Variants in ZNF658 observed in about 807,000 individuals in gnomAD.
ZNF658 encodes zinc finger protein 658.
A neutral mutation model predicts 78.0 loss-of-function variants in ZNF658; 46 were observed. That is an observed-to-expected ratio of 0.59 (90% CI 0.47 to 0.75). The LOEUF is 0.75. Among genes scored for constraint, ZNF658 ranks in the 30% least tolerant of loss-of-function variants. ZNF658 has a pLI of 0.00. For synonymous variants in ZNF658, 279 were observed against 408.4 expected, an observed-to-expected ratio of 0.68 and a Z score of 3.82; for missense variants, 785 against 1,189.3, an observed-to-expected ratio of 0.66 and a Z score of 5.00.
chr9:66,928,583 T>C (rs900314104), intron 6 of ZNF658, among the ~76,000 whole-genome samples: 1 of 151,146 alleles, frequency 6.6e-6, no homozygotes. Flanking sequence ...CCATACACGG[T>C]GGCTCATACC....
chr9:66,930,787 C>T (rs1822635301), intron 6 of ZNF658, among the ~76,000 whole-genome samples: 2 of 151,152 alleles, frequency 1.3e-5, no homozygotes, highest in Non-Finnish European at 2.9e-5. Context: ...CTGTAACCTG[C>T]ATCCTTTGCC....
intron 6 of ZNF658, among the ~76,000 whole-genome samples, chr9:66,928,681 T>A: frequency 7.1e-6 from 1 of 140,612 alleles, no homozygotes. Context: ...TGAAACCCCA[T>A]CTCTACTAAA....
intron 6 of ZNF658, among the ~76,000 whole-genome samples, chr9:66,928,395 CA>C (rs1256906362): frequency 1.3e-5 from 2 of 151,426 alleles, no homozygotes; most frequent in East Asian, 1.9e-4. Context: ...GGAATCTACA[CA>C]AAAACTATCA....
At chr9:66,908,864 T>A in intron 4 of ZNF658, 130 bp downstream of exon 4, 1 of 626,618 alleles carries the variant, frequency 1.6e-6, no homozygotes, top group South Asian at 2.0e-5. Context: ...TCCTTTAAAG[T>A]GTACAGGTCA....
In ZNF658 at chr9:66,920,364, C is replaced by G; in HGVS notation, c.2798C>G (p.Thr933Arg). 1 of 1,613,346 alleles carries G rather than the reference C, an allele frequency of 6.2e-7. No homozygotes were observed. Among genetic ancestry groups the G allele is most frequent in the Non-Finnish European group, 8.5e-7 (1 of 1,179,910 alleles). ...SYVSAHQRVHTGEKPYECNVC... is the reference protein window; with the variant it reads ...SYVSAHQRVHRGEKPYECNVC... ...GTTAGTGCACATCAGAGAGTTCATA[C>G]GGGGGAGAAACCCTACGAATGTAAT... The change falls in exon 5 of 5, where the codon ACG (threonine) becomes AGG (arginine). Residue 933 changes from threonine to arginine, a missense_variant. By Grantham distance (71) the Thr-to-Arg change is moderately conservative. This residue lies in a region of ZNF658 where 85 missense variants were observed against 108.6 expected (regional missense o/e 0.78). Transcript: ENST00000621410.
rs1822512367 is a variant in ZNF658, at chr9:66,920,953, A to AT, written c.*207_*208insT. The stretch of plus-strand genomic sequence containing the variant: ...TACCCTTGGCCCTTAAAAAAAAAAA[A>AT]GAAAAACCCTCACAGTCTTCCTGGT... On this transcript the variant is annotated 3_prime_UTR_variant, in exon 5 of 5. Coordinates refer to ENST00000621410, the MANE Select transcript of ZNF658 (RefSeq NM_033160.7). 1 of 641,800 alleles carries AT rather than the reference A, an allele frequency of 1.6e-6. No homozygotes were observed. The highest frequency in any genetic ancestry group is 2.7e-6 in the Non-Finnish European group (1 of 364,740). 39.8% of individuals were successfully genotyped at this position (641,800 alleles called of 1,614,324 possible).
chr9:66,917,294 C>T (rs1275316960), intron 4 of ZNF658, among the ~76,000 whole-genome samples: 1 of 146,208 alleles, frequency 6.8e-6, no homozygotes, highest in Admixed American at 7.1e-5. Context: ...GTTACTACTC[C>T]ACCTTGACTG....
chr9:66,914,236 C>T (rs1012467795), intron 4 of ZNF658, among the ~76,000 whole-genome samples: 39 of 149,958 alleles, frequency 2.6e-4, no homozygotes, highest in Admixed American at 4.7e-4. Context: ...ACACAGATAA[C>T]GAGGCTTTTT....
intron 4 of ZNF658, among the ~76,000 whole-genome samples, chr9:66,910,532 G>A (rs975354180): frequency 6.6e-6 from 1 of 151,794 alleles, no homozygotes; most frequent in African/African-American, 2.4e-5. Context: ...AGTTGGGCCA[G>A]GCGTGGTGGC....
Position 66,920,271 on chromosome 9 carries a change from G to A in ZNF658, c.2705G>A (p.Arg902Lys). 1.2e-6 allele frequency: 2 copies of A among 1,611,618 alleles called. No individual in the cohort carries two copies. Among genetic ancestry groups the A allele is most frequent in the Non-Finnish European group, 1.7e-6 (2 of 1,178,544 alleles). ...ACATCACATCTCAGAGCACATCTTA[G>A]AACTCGCTCAGGGGAGAAACCCTAT... ...SKTSHLRAHL[R>K]TRSGEKPYEC... Residue 902 changes from arginine to lysine, a missense_variant, in exon 5 of 5, where the codon AGA (arginine) becomes AAA (lysine). By Grantham distance (26) the Arg-to-Lys change is conservative (BLOSUM62 2). Around this residue, in one of 12 missense-constraint regions of ZNF658, gnomAD observed 85 missense variants for 108.6 expected, o/e 0.78. Transcript: ENST00000621410.
rs541776291 is a variant in ZNF658 at position 66,901,562 on chromosome 9, G to A, written c.-45+726G>A. Among the ~76,000 whole-genome samples, 532 of 151,826 alleles carry A rather than the reference G, an allele frequency of 3.5e-3. 16 individuals are homozygous for A. The highest frequency in any genetic ancestry group is 0.032 in the Admixed American group (482 of 15,248). On this transcript the variant is annotated intron_variant, in intron 1 of 4. Coordinates refer to ENST00000621410, the MANE Select transcript of ZNF658 (RefSeq NM_033160.7). ...CAGGCTGAGGCTCCTGAATCCTCTT[G>A]TACTGTTCCCGCTGTCTCCTCAAAG...
At chr9:66,905,299 C>A (rs1000141849) in intron 2 of ZNF658, among the ~76,000 whole-genome samples, 2 of 149,602 alleles carry the variant, frequency 1.3e-5, no homozygotes, top group African/African-American at 4.9e-5. Flanking sequence ...TGGTCTTGAA[C>A]TCTTGGCCTC....
chr9:66,926,316 A>G (rs1321974549), downstream of ZNF658, among the ~76,000 whole-genome samples: 1 of 146,948 alleles, frequency 6.8e-6, no homozygotes, highest in Admixed American at 6.9e-5. Context: ...AACATGATCT[A>G]ATATACAGAA....
chr9:66,922,951 T>C (rs1361122236), downstream of ZNF658, among the ~76,000 whole-genome samples: 1 of 151,468 alleles, frequency 6.6e-6, no homozygotes, highest in Non-Finnish European at 1.5e-5. Flanking sequence ...TCTGGGAAGG[T>C]GGGGTGTATT....
At chr9:66,925,561 G>T (rs1273412181), downstream of ZNF658, among the ~76,000 whole-genome samples, 1 of 151,818 alleles carries the variant, frequency 6.6e-6, no homozygotes, top group East Asian at 1.9e-4. Flanking sequence ...AATTTAAACA[G>T]GCAAACAGTG....
chr9:66,914,205 C>A (rs1822280665), intron 4 of ZNF658, among the ~76,000 whole-genome samples: 1 of 150,696 alleles, frequency 6.6e-6, no homozygotes, highest in Non-Finnish European at 1.5e-5. Flanking sequence ...TTTCTTTCAT[C>A]AATGTCTTTT....
chr9:66,912,736 A>G (rs1822242455), intron 4 of ZNF658, among the ~76,000 whole-genome samples: 1 of 152,054 alleles, frequency 6.6e-6, no homozygotes. Flanking sequence ...GGTTGCCACA[A>G]ACCTTCAGTT....
chr9:66,929,519 C>T (rs1476775141), intron 6 of ZNF658, among the ~76,000 whole-genome samples: 3 of 151,350 alleles, frequency 2.0e-5, no homozygotes, highest in African/African-American at 7.3e-5. Flanking sequence ...AATTATTTGT[C>T]CAACTGTGTC....
intron 6 of ZNF658, among the ~76,000 whole-genome samples, chr9:66,929,579 A>C: frequency 6.6e-6 from 1 of 151,926 alleles, no homozygotes; most frequent in East Asian, 1.9e-4. Context: ...TAATCTAAAG[A>C]TAGTTTAGAT....
Sources: gnomAD v4.1 joint callset for allele counts (sites outside exome capture counted in the v4.1 genomes callset) on GRCh38, gnomAD v4.1.1 for gene constraint, gnomAD v4.1.1 regional missense constraint, MANE v1.5 for transcripts, NCBI Gene and HGNC (gene_info 2026-07-23, HGNC 2026-07-21) for gene names.